Variants in ACYP2 observed in about 807,000 individuals in gnomAD.
ACYP2 encodes the protein acylphosphatase-2.
In ACYP2, 12 loss-of-function variants were observed where a neutral mutation model predicts 11.2. The ratio of observed to expected loss-of-function variants is 1.08; its 90% CI spans 0.69 to 1.74. ACYP2 has a LOEUF of 1.74. Ranked by LOEUF, ACYP2 falls within the 40% of genes most tolerant of loss-of-function variation. The pLI is 0.00. For missense variants in ACYP2, 134 were observed against 101.9 expected (o/e 1.31, Z -1.35); for synonymous variants, 43 against 32.2 (o/e 1.33, Z -1.13).
chr2:54,249,394 C>T (rs1256870271), intron 6 of ACYP2, among the ~76,000 whole-genome samples: 1 of 147,176 alleles, frequency 6.8e-6, no homozygotes, highest in East Asian at 2.0e-4. Context: ...AAGATCGCGC[C>T]ACTGCACACC....
chr2:54,231,092 A>G (rs989946576), intron 6 of ACYP2, among the ~76,000 whole-genome samples: 1 of 152,084 alleles, frequency 6.6e-6, no homozygotes, highest in African/African-American at 2.4e-5. Flanking sequence ...CGGCCTCCCA[A>G]AGTGCTGGGA....
At chr2:54,287,719 A>G (rs1689138322) in intron 6 of ACYP2, among the ~76,000 whole-genome samples, 1 of 152,038 alleles carries the variant, frequency 6.6e-6, no homozygotes, top group Admixed American at 6.5e-5. Context: ...CAGCTGACTG[A>G]GTTTTCCCAG....
intron 6 of ACYP2, among the ~76,000 whole-genome samples, chr2:54,297,604 G>C (rs1689571711): frequency 1.3e-5 from 2 of 152,206 alleles, no homozygotes; most frequent in South Asian, 4.1e-4. Context: ...AATACATGGA[G>C]TGGTTTACTG....
At chr2:54,074,351 A>G (rs1677214124) in intron 4 of ACYP2, among the ~76,000 whole-genome samples, 1 of 152,154 alleles carries the variant, frequency 6.6e-6, no homozygotes, top group South Asian at 2.1e-4. Flanking sequence ...TCTCTAAAAA[A>G]TAAATAAATA....
At chr2:54,051,795 G>A (rs565280206) in intron 3 of ACYP2, 70 of 413,634 alleles carry the variant, frequency 1.7e-4, no homozygotes, top group Non-Finnish European at 2.1e-4. Context: ...CTGTAATCCC[G>A]GCACTTTGGG....
chr2:53,973,893 GTGTGTGTGTA>G (rs1467483349), intron 2 of ACYP2: 16 of 68,488 alleles, frequency 2.3e-4, no homozygotes, highest in African/African-American at 4.2e-4. Flanking sequence ...GTGTGTGTGT[GTGTGTGTGTA>G]TATATTTTTT....
At chr2:54,157,803 A>T (rs1682501749) in intron 6 of ACYP2, among the ~76,000 whole-genome samples, 1 of 152,144 alleles carries the variant, frequency 6.6e-6, no homozygotes, top group Non-Finnish European at 1.5e-5. Flanking sequence ...CTTTCCATGG[A>T]GGTGACTTCT....
At chr2:54,172,794 G>C (rs984263893) in intron 6 of ACYP2, among the ~76,000 whole-genome samples, 2 of 152,078 alleles carry the variant, frequency 1.3e-5, no homozygotes, top group African/African-American at 2.4e-5. Context: ...AGAACATGTG[G>C]TGTTTGGTTT....
chr2:54,102,714 G>A (rs531622575), intron 4 of ACYP2, among the ~76,000 whole-genome samples: 1 of 140,918 alleles, frequency 7.1e-6, no homozygotes, highest in African/African-American at 2.7e-5. Context: ...CTAGTTGAGA[G>A]TTCTTCTTTC....
intron 2 of ACYP2, among the ~76,000 whole-genome samples, chr2:54,003,701 A>G (rs2104529506): frequency 6.6e-6 from 1 of 152,286 alleles, no homozygotes; most frequent in Admixed American, 6.5e-5. Context: ...ATTAATATCT[A>G]TGTGTAGGGT....
chr2:54,035,426 TG>T, intron 2 of ACYP2, among the ~76,000 whole-genome samples: 1 of 151,992 alleles, frequency 6.6e-6, no homozygotes, highest in East Asian at 1.9e-4. Flanking sequence ...CCGTCATCCC[TG>T]GCTAATTTTT....
intron 6 of ACYP2, among the ~76,000 whole-genome samples, chr2:54,194,764 G>C (rs912997547): frequency 6.6e-5 from 10 of 152,054 alleles, no homozygotes; most frequent in Non-Finnish European, 1.5e-4. Context: ...TTCCTAACTA[G>C]ATATGAAAGC....
chr2:54,002,078 A>G (rs995503628), intron 2 of ACYP2, among the ~76,000 whole-genome samples: 2 of 152,236 alleles, frequency 1.3e-5, no homozygotes. Flanking sequence ...GGGTTTTGAC[A>G]AATGTACAAT....
At chr2:54,211,394 G>T (rs1002421627) in intron 6 of ACYP2, among the ~76,000 whole-genome samples, 1 of 152,142 alleles carries the variant, frequency 6.6e-6, no homozygotes, top group East Asian at 1.9e-4. Flanking sequence ...TAACTAATAT[G>T]AAATATGCAT....
At chr2:53,997,876 A>G (rs919813334) in intron 2 of ACYP2, among the ~76,000 whole-genome samples, 7 of 152,212 alleles carry the variant, frequency 4.6e-5, no homozygotes, top group African/African-American at 1.4e-4. Flanking sequence ...ACGGAAATGA[A>G]TGACCCTCTT....
intron 6 of ACYP2, among the ~76,000 whole-genome samples, chr2:54,229,443 T>G (rs1399751106): frequency 6.6e-6 from 1 of 152,222 alleles, no homozygotes; most frequent in African/African-American, 2.4e-5. Context: ...ATGAAATTAT[T>G]ATTTAATTAT....
intron 2 of ACYP2, among the ~76,000 whole-genome samples, chr2:54,025,433 G>A (rs1674232282): frequency 6.6e-6 from 1 of 152,098 alleles, no homozygotes; most frequent in African/African-American, 2.4e-5. Flanking sequence ...AGTACTTACA[G>A]CCAACTGATC....
chr2:54,292,866 A>T (rs1689369363), intron 6 of ACYP2, among the ~76,000 whole-genome samples: 1 of 152,236 alleles, frequency 6.6e-6, no homozygotes, highest in African/African-American at 2.4e-5. Flanking sequence ...AATTCTGCAG[A>T]GTTGCTCCAA....
intron 2 of ACYP2, among the ~76,000 whole-genome samples, chr2:53,994,297 T>A (rs1463544646): frequency 1.7e-5 from 2 of 120,908 alleles, no homozygotes; most frequent in Non-Finnish European, 3.2e-5. Flanking sequence ...GCCCCTGCAC[T>A]CTAGCCTGGG....
Sources: gnomAD v4.1 joint callset for allele counts (sites outside exome capture counted in the v4.1 genomes callset) on GRCh38, gnomAD v4.1.1 for gene constraint, MANE v1.5 for transcripts, NCBI Gene and HGNC (gene_info 2026-07-23, HGNC 2026-07-21) for gene names.